Variants in PMFBP1 observed in about 807,000 individuals in gnomAD.
PMFBP1 encodes polyamine modulated factor 1 binding protein 1, also known as polyamine-modulated factor 1-binding protein 1.
PMFBP1 carries 131 observed loss-of-function variants against 137.8 expected under a neutral mutation model. That is an observed-to-expected ratio of 0.95 (90% CI 0.82 to 1.10). The LOEUF (loss-of-function observed/expected upper bound fraction) is 1.10, where lower values mean the gene tolerates loss of function less well. PMFBP1 is among the 50% of genes least tolerant of loss of function. The probability of loss-of-function intolerance (pLI) is 0.00; values close to 1 mark genes in which losing one functional copy is unlikely to be tolerated. For missense variants in PMFBP1, 1,199 were observed against 1,175.4 expected (o/e 1.02, Z -0.29); for synonymous variants, 490 against 450.4 (o/e 1.09, Z -1.11).
Position 72,130,219 on chromosome 16 carries a change from C to CTTG in PMFBP1, c.1773_1775dup (p.Ile591_Lys592insAsn). 6.2e-7 allele frequency: 1 copy of CTTG among 1,612,916 alleles called. No individual in the cohort carries two copies. The highest frequency in any genetic ancestry group is 1.1e-5 in the South Asian group (1 of 91,086). On this transcript the variant is annotated inframe_insertion, in exon 12 of 21. Transcript: ENST00000237353. Reference sequence around the variant, plus strand: ...ATCTGCCTGCCCGTCATACCTGGTGCTTGATACGATCAAGCATGTCATTCA... The same window carrying CTTG: ...ATCTGCCTGCCCGTCATACCTGGTGCTTGTTGATACGATCAAGCATGTCATTCA...
At position 72,119,427 on chromosome 16, in the gene PMFBP1, C is replaced by T. The variant is rs541864193; in HGVS notation, c.3008-73G>A. 49 of 1,612,854 alleles carry T rather than the reference C, an allele frequency of 3.0e-5. No homozygotes were observed. In the East Asian group the frequency reaches 4.5e-4, roughly 15 times the overall value. On this transcript the variant is annotated intron_variant, in intron 20 of 20. Transcript: ENST00000237353. ...ACGAGGTGATTCCTCAAGGGCTGGC[C>T]GCATGGCCAGGCAGCTCTGCTGCAG...
chr16:72,213,549 A>T, the PMFBP1 span, among the ~76,000 whole-genome samples: 6,721 of 152,220 alleles, frequency 0.044, 502 homozygotes, highest in African/African-American at 0.15. Flanking sequence ...TTGGAAGTAG[A>T]TCTTCTCCTG....
chr16:72,139,979 T>C (rs962619693), intron 6 of PMFBP1, among the ~76,000 whole-genome samples: 4 of 152,244 alleles, frequency 2.6e-5, no homozygotes, highest in Non-Finnish European at 4.4e-5. Context: ...TATATTAGTA[T>C]TATCATTAGA....
At chr16:72,200,972 G>T in the PMFBP1 span, among the ~76,000 whole-genome samples, 1 of 152,150 alleles carries the variant, frequency 6.6e-6, no homozygotes, top group Non-Finnish European at 1.5e-5. Flanking sequence ...GTCCCTGGGT[G>T]CTTTAGCCTG....
chr16:72,224,320 C>G, the PMFBP1 span, among the ~76,000 whole-genome samples: 2 of 152,146 alleles, frequency 1.3e-5, no homozygotes, highest in Non-Finnish European at 1.5e-5. Context: ...TTTCCCTCCT[C>G]CAGTCTCTCC....
At chr16:72,164,412 A>C (rs1252968301) in intron 3 of PMFBP1, 1 of 1,314,750 alleles carries the variant, frequency 7.6e-7, no homozygotes, top group Non-Finnish European at 9.9e-7. Context: ...TGGTTGACTT[A>C]GAAGTTTGTC....
At chr16:72,215,551 T>G in the PMFBP1 span, among the ~76,000 whole-genome samples, 989 of 152,234 alleles carry the variant, frequency 6.5e-3, 10 homozygotes, top group African/African-American at 0.022. Context: ...GTATAAGACA[T>G]TTCCAGACAT....
chr16:72,209,121 G>A, the PMFBP1 span, among the ~76,000 whole-genome samples: 2 of 152,156 alleles, frequency 1.3e-5, no homozygotes, highest in Non-Finnish European at 1.5e-5. Context: ...CCTCTTCCTG[G>A]AAACCCCATA....
chr16:72,127,781 C>T (rs2042484032), intron 14 of PMFBP1, among the ~76,000 whole-genome samples: 1 of 152,226 alleles, frequency 6.6e-6, no homozygotes, highest in African/African-American at 2.4e-5. Flanking sequence ...CACATTCATT[C>T]CATCAGCTCA....
At chr16:72,195,625 C>A in the PMFBP1 span, among the ~76,000 whole-genome samples, 1 of 152,350 alleles carries the variant, frequency 6.6e-6, no homozygotes, top group African/African-American at 2.4e-5. Context: ...GAAAAACAGA[C>A]CTGGACGTTA....
chr16:72,181,039 G>A (rs1373535263), upstream of PMFBP1, among the ~76,000 whole-genome samples: 1 of 152,092 alleles, frequency 6.6e-6, no homozygotes, highest in African/African-American at 2.4e-5. Flanking sequence ...AAGAGATCGA[G>A]ACCATCCTGG....
At chr16:72,121,019 A>G (rs2042369946) in intron 19 of PMFBP1, among the ~76,000 whole-genome samples, 1 of 152,238 alleles carries the variant, frequency 6.6e-6, no homozygotes, top group Non-Finnish European at 1.5e-5. Context: ...TCAAATAAGA[A>G]CAGGAGAACT....
intron 4 of PMFBP1, among the ~76,000 whole-genome samples, chr16:72,152,076 C>T (rs187216724): frequency 1.3e-5 from 2 of 152,184 alleles, no homozygotes; most frequent in African/African-American, 4.8e-5. Flanking sequence ...GCTTCCGGTC[C>T]TTCTTTGACT....
At chr16:72,184,728 T>C in the PMFBP1 span, among the ~76,000 whole-genome samples, 10 of 152,230 alleles carry the variant, frequency 6.6e-5, no homozygotes, top group Admixed American at 5.9e-4. Context: ...ACTTCATTTG[T>C]TCCAGCCCAG....
At chr16:72,139,630 C>CA (rs2042685583) in intron 6 of PMFBP1, among the ~76,000 whole-genome samples, 1 of 152,176 alleles carries the variant, frequency 6.6e-6, no homozygotes, top group African/African-American at 2.4e-5. Flanking sequence ...CCCACCCTTG[C>CA]ACTCTCTCCT....
upstream of PMFBP1, among the ~76,000 whole-genome samples, chr16:72,173,358 T>C (rs1346473049): frequency 6.6e-6 from 1 of 152,228 alleles, no homozygotes; most frequent in Non-Finnish European, 1.5e-5. Flanking sequence ...AGTCAGGAGA[T>C]GATTCTGAAA....
At chr16:72,210,542 A>G in the PMFBP1 span, among the ~76,000 whole-genome samples, 10 of 152,284 alleles carry the variant, frequency 6.6e-5, no homozygotes, top group South Asian at 1.2e-3. Flanking sequence ...CAGATCCCCA[A>G]TTAGGAGGAT....
chr16:72,169,623 A>G (rs12923749), intron 2 of PMFBP1, among the ~76,000 whole-genome samples: 14,241 of 152,176 alleles, frequency 0.094, 785 homozygotes, highest in Non-Finnish European at 0.12. Flanking sequence ...TTAAAGTATA[A>G]TAAAAAAGAT....
At chr16:72,219,316 A>G in the PMFBP1 span, among the ~76,000 whole-genome samples, 4 of 152,236 alleles carry the variant, frequency 2.6e-5, no homozygotes, top group Non-Finnish European at 4.4e-5. Context: ...GCTAAGGCAC[A>G]TAGGGAAAGA....
Sources: gnomAD v4.1 joint callset for allele counts (sites outside exome capture counted in the v4.1 genomes callset) on GRCh38, gnomAD v4.1.1 for gene constraint, MANE v1.5 for transcripts, NCBI Gene and HGNC (gene_info 2026-07-23, HGNC 2026-07-21) for gene names.